MYO9A: variants seen among roughly 807,000 people sequenced by gnomAD.
MYO9A encodes the protein myosin IXA.
MYO9A carries 103 observed loss-of-function variants against 293.3 expected under a neutral mutation model. The observed-to-expected ratio is 0.35, with a 90% CI of 0.30 to 0.41. MYO9A has a LOEUF of 0.41. MYO9A is among the 10% of genes least tolerant of loss of function. The pLI, the probability that MYO9A is intolerant of heterozygous loss-of-function variation, is 1.00. For missense variants in MYO9A, 2,685 were observed against 3,033.0 expected, an observed-to-expected ratio of 0.89 and a Z score of 2.69; for synonymous variants, 1,001 against 1,035.7, an observed-to-expected ratio of 0.97 and a Z score of 0.64.
rs763217601 is a variant in MYO9A, at chr15:71,827,952, G to A, written c.7115C>T (p.Ser2372Phe). Reference protein sequence around the residue: ...SDDETLESEASIGTADSSENL... With the variant: ...SDDETLESEAFIGTADSSENL... The stretch of plus-strand genomic sequence containing the variant: ...CTCTGAGCTATCAGCAGTCCCAATG[G>A]AGGCCTCAGACTCAAGGGTTTCATC... Residue 2372 changes from serine to phenylalanine, a missense_variant, in exon 41 of 42, where the codon TCC (serine) becomes TTC (phenylalanine). Physicochemically the swap from Ser to Phe is radical, Grantham distance 155 (BLOSUM62 -2). Coordinates refer to ENST00000356056, the MANE Select transcript of MYO9A (RefSeq NM_006901.4). 1 of 1,613,854 alleles carries A rather than the reference G, an allele frequency of 6.2e-7. No individual in the cohort carries two copies. The highest frequency in any genetic ancestry group is 1.1e-5 in the South Asian group (1 of 91,048).
chr15:71,903,065 T>C lies in MYO9A; in HGVS notation c.2878-2A>G. 6.3e-7 allele frequency: 1 copy of C among 1,582,056 alleles called. No homozygotes were observed. The highest frequency in any genetic ancestry group is 8.6e-7 in the Non-Finnish European group (1 of 1,161,300). ...TACATGGAAGTGGCTCACAAAATCC[T>C]GAAAAATAATTTAAAAATATTGTAA... is the stretch of plus-strand genomic sequence containing the variant. On this transcript the variant is annotated splice_acceptor_variant, in intron 21 of 41. Coordinates refer to ENST00000356056, the MANE Select transcript of MYO9A (RefSeq NM_006901.4). LOFTEE classifies it high-confidence loss of function.
At chr15:71,873,265 T>A (rs893972486) in intron 32 of MYO9A, among the ~76,000 whole-genome samples, 1 of 152,170 alleles carries the variant, frequency 6.6e-6, no homozygotes, top group African/African-American at 2.4e-5. Flanking sequence ...GAATGTCCCC[T>A]TTTCCTTTAA....
At chr15:71,832,307 G>A (rs2054760607) in intron 39 of MYO9A, among the ~76,000 whole-genome samples, 1 of 152,036 alleles carries the variant, frequency 6.6e-6, no homozygotes, top group South Asian at 2.1e-4. Flanking sequence ...AGAGATCATG[G>A]CAGAGAATTT....
At chr15:72,007,769 A>C in intron 8 of MYO9A, 57 bp downstream of exon 8, 1 of 1,555,698 alleles carries the variant, frequency 6.4e-7, no homozygotes, top group Non-Finnish European at 8.7e-7. Context: ...AATACACAAA[A>C]TAAAAAATAA....
At chr15:72,044,245 A>G (rs764857947) in intron 2 of MYO9A, among the ~76,000 whole-genome samples, 16 of 152,096 alleles carry the variant, frequency 1.1e-4, no homozygotes, top group South Asian at 2.1e-4. Context: ...CTACTCTACT[A>G]AAAATACAAA....
At chr15:71,877,231 G>A (rs1007851560) in intron 31 of MYO9A, among the ~76,000 whole-genome samples, 3 of 152,014 alleles carry the variant, frequency 2.0e-5, no homozygotes, top group African/African-American at 4.8e-5. Context: ...ATTTAATAAG[G>A]CTGAAGCAAG....
rs1283751062 is a variant in MYO9A, at chr15:71,859,883, C to T, written c.6092-87G>A. On this transcript the variant is annotated intron_variant, in intron 33 of 41. Transcript: ENST00000356056. ...TCAAGTATACTTTATTTTAGACCTA[C>T]GTTTTTTTCTTTAAATCTCAGACTG... 2.4e-5 allele frequency: 27 copies of T among 1,134,302 alleles called. No homozygotes were observed. The East Asian group carries it at 3.9e-4, about 16-fold the overall frequency. 70.3% of individuals were successfully genotyped at this position (1,134,302 alleles called of 1,614,324 possible).
At chr15:72,019,592 T>C (rs1216715467) in intron 5 of MYO9A, among the ~76,000 whole-genome samples, 2 of 152,324 alleles carry the variant, frequency 1.3e-5, no homozygotes, top group South Asian at 2.1e-4. Flanking sequence ...TAAAAATTAA[T>C]AATATTATAT....
rs1387814554 is a variant in MYO9A, at chr15:72,094,804, C to A, written c.-72+22876G>T. Among the ~76,000 whole-genome samples the A allele has an allele frequency of 2.2e-5, 2 of 92,002 alleles. 1 individual carries two copies. Among genetic ancestry groups the A allele is most frequent in the Non-Finnish European group, 6.6e-5 (2 of 30,454 alleles). 60.4% of individuals were successfully genotyped at this position (92,002 alleles called of 152,430 possible). Reference sequence around the variant, plus strand: ...CACCTGTATTACAGGTGTAAGCCGCCACACCTAGCTTCAAACTTTTTTATT... The same window carrying A: ...CACCTGTATTACAGGTGTAAGCCGCAACACCTAGCTTCAAACTTTTTTATT... On this transcript the variant is annotated intron_variant, in intron 1 of 41. Coordinates refer to ENST00000356056, the MANE Select transcript of MYO9A (RefSeq NM_006901.4).
chr15:71,865,007 T>C (rs1367702029), intron 32 of MYO9A, among the ~76,000 whole-genome samples: 4 of 152,130 alleles, frequency 2.6e-5, no homozygotes, highest in African/African-American at 9.7e-5. Context: ...TATTTTGTAT[T>C]TGGACATTTA....
chr15:72,018,641 TAAAC>T (rs1340547393), intron 6 of MYO9A, among the ~76,000 whole-genome samples: 4 of 151,964 alleles, frequency 2.6e-5, no homozygotes, highest in African/African-American at 4.8e-5. Context: ...TTTTTTGAAA[TAAAC>T]AATAATTACT....
chr15:72,117,631 G>C (rs1000065849), intron 1 of MYO9A, 49 bp downstream of exon 1: 1 of 394,812 alleles, frequency 2.5e-6, no homozygotes, highest in Non-Finnish European at 4.5e-6. Context: ...AGGCTGAGAC[G>C]TGGGCCAGGA....
chr15:71,901,461 T>C, intron 22 of MYO9A, 121 bp from the exon 23 acceptor site: 1 of 956,346 alleles, frequency 1.0e-6, no homozygotes, highest in Non-Finnish European at 1.5e-6. Context: ...GGCATGTAAA[T>C]GAAGTACTGA....
Position 71,830,270 on chromosome 15 carries a change from C to A in MYO9A, c.6879G>T (p.Ser2293=). The change falls in exon 40 of 42, where the codon TCG becomes TCT. Residue 2293 remains serine (S), a synonymous_variant. Transcript: ENST00000356056. The part of the protein sequence containing the change: ...RIRRGNYPGP[S]SPVVVRLPSV... ...AAGGCAACCGAACTACAACAGGAGA[C>A]GATGGACCTGGATAGTTTCCTCGAC... is the stretch of plus-strand genomic sequence containing the variant. 1 of 1,613,950 alleles carries A rather than the reference C, an allele frequency of 6.2e-7. No homozygotes were observed. The highest frequency in any genetic ancestry group is 1.1e-5 in the South Asian group (1 of 91,038).
chr15:72,015,861 G>C (rs773097235), intron 6 of MYO9A, among the ~76,000 whole-genome samples: 5 of 151,668 alleles, frequency 3.3e-5, no homozygotes, highest in Non-Finnish European at 7.4e-5. Flanking sequence ...CTAATTTTTT[G>C]TATTTTTTAG....
At chr15:72,054,930 TA>T (rs530182668) in intron 1 of MYO9A, among the ~76,000 whole-genome samples, 187 of 139,918 alleles carry the variant, frequency 1.3e-3, no homozygotes, top group Admixed American at 1.4e-3. Context: ...CTGAAAGAAT[TA>T]AAAAAAAAAA....
intron 4 of MYO9A, among the ~76,000 whole-genome samples, chr15:72,024,327 A>C (rs2077596923): frequency 6.6e-6 from 1 of 152,248 alleles, no homozygotes; most frequent in South Asian, 2.1e-4. Flanking sequence ...TCTGTTGCCC[A>C]GGCTGGAGTG....
chr15:72,023,349 G>A (rs1001212846), intron 4 of MYO9A, among the ~76,000 whole-genome samples: 3 of 152,106 alleles, frequency 2.0e-5, no homozygotes, highest in African/African-American at 4.8e-5. Flanking sequence ...TGGCAGGCAC[G>A]GTGGCTCACA....
intron 18 of MYO9A, among the ~76,000 whole-genome samples, chr15:71,932,817 G>A (rs978018171): frequency 6.6e-5 from 10 of 151,876 alleles, no homozygotes; most frequent in Admixed American, 3.3e-4. Context: ...GTTGTTACAC[G>A]CATCAATAGT....
Sources: gnomAD v4.1 joint callset for allele counts (sites outside exome capture counted in the v4.1 genomes callset) on GRCh38, gnomAD v4.1.1 for gene constraint, MANE v1.5 for transcripts, NCBI Gene and HGNC (gene_info 2026-07-23, HGNC 2026-07-21) for gene names.